Variants in NFASC observed in about 807,000 individuals in gnomAD.
The protein encoded by NFASC is neurofascin.
Under a neutral mutation model 147.5 loss-of-function variants are expected in NFASC, and 43 were observed. The ratio of observed to expected loss-of-function variants is 0.29; its 90% CI spans 0.23 to 0.38. The LOEUF is 0.38. Among genes scored for constraint, NFASC ranks in the 10% least tolerant of loss-of-function variants. The pLI, the probability that NFASC is intolerant of heterozygous loss-of-function variation, is 1.00. For synonymous variants in NFASC, 622 were observed against 665.5 expected (o/e 0.93, Z 1.01); for missense variants, 1,320 against 1,689.0 (o/e 0.78, Z 3.83).
chr1:204,899,393 G>A (rs1332398926), intron 1 of NFASC, among the ~76,000 whole-genome samples: 1 of 148,252 alleles, frequency 6.7e-6, no homozygotes, highest in Non-Finnish European at 1.5e-5. Flanking sequence ...AGCTCCTGGG[G>A]CTGAGGCCGG....
intron 12 of NFASC, among the ~76,000 whole-genome samples, chr1:204,973,709 A>T (rs544191437): frequency 1.3e-5 from 2 of 152,324 alleles, no homozygotes; most frequent in Admixed American, 1.3e-4. Context: ...ATTCCATCAG[A>T]GCAGTCAATC....
chr1:204,899,019 G>C (rs545546798), intron 1 of NFASC, among the ~76,000 whole-genome samples: 1 of 152,300 alleles, frequency 6.6e-6, no homozygotes, highest in South Asian at 2.1e-4. Context: ...AAGTGTGATG[G>C]GGGAGGCACA....
Position 204,974,698 on chromosome 1 carries a change from A to G in NFASC, c.1433A>G (p.Tyr478Cys). ...GQGSNLDGGNYHVYENGSLEI... is the reference protein window; with the variant it reads ...GQGSNLDGGNCHVYENGSLEI... ...GGAAGCAACCTGGATGGTGGCAACT[A>G]CCATGTTTATGAGAACGGCAGTCTG... The change falls in exon 14 of 30, where the codon TAC becomes TGC. Residue 478 changes from tyrosine to cysteine, a missense_variant. Around this residue, in one of 3 missense-constraint regions of NFASC, gnomAD observed 981 missense variants for 1,289.5 expected, o/e 0.76. Transcript: ENST00000339876. 1 of 1,614,224 alleles carries G rather than the reference A, an allele frequency of 6.2e-7. No individual in the cohort carries two copies. The highest frequency in any genetic ancestry group is 8.5e-7 in the Non-Finnish European group (1 of 1,180,036).
chr1:205,003,641 C>T (rs977396428), intron 27 of NFASC, among the ~76,000 whole-genome samples: 3 of 152,076 alleles, frequency 2.0e-5, no homozygotes, highest in Admixed American at 6.6e-5. Context: ...AGTACCTTGC[C>T]CCCAGGGGAT....
chr1:204,846,436 T>C (rs532482118), intron 1 of NFASC, among the ~76,000 whole-genome samples: 1 of 152,262 alleles, frequency 6.6e-6, no homozygotes. Flanking sequence ...CACAGAGAGC[T>C]TGGTGGCCAT....
chr1:204,871,852 T>TC (rs777502586), intron 1 of NFASC, among the ~76,000 whole-genome samples: 23 of 152,290 alleles, frequency 1.5e-4, no homozygotes, highest in Non-Finnish European at 3.4e-4. Context: ...GTGGCTTTGG[T>TC]CCAGAGCTAC....
chr1:204,922,320 C>G lies in NFASC; in HGVS notation c.-91+1580C>G, dbSNP rs185813076. On this transcript the variant is annotated intron_variant, in intron 2 of 29. Transcript: ENST00000339876. The stretch of plus-strand genomic sequence containing the variant: ...GGGCTGGCTTCTCTGATGACAGCAG[C>G]CTCACTGTCCGACAGCAGATATGGC... 1.3e-3 allele frequency among the ~76,000 whole-genome samples: 203 copies of G among 152,264 alleles called. 2 individuals are homozygous for G. The highest frequency in any genetic ancestry group is 4.5e-3 in the African/African-American group (189 of 41,548).
intron 1 of NFASC, among the ~76,000 whole-genome samples, chr1:204,863,333 A>G (rs2102878277): frequency 6.6e-6 from 1 of 152,352 alleles, no homozygotes; most frequent in South Asian, 2.1e-4. Context: ...GCAATCATTT[A>G]TTTGGGGTCA....
chr1:204,865,336 C>G (rs2077024442), intron 1 of NFASC, among the ~76,000 whole-genome samples: 1 of 152,290 alleles, frequency 6.6e-6, no homozygotes, highest in East Asian at 1.9e-4. Context: ...TGTAGTCTCT[C>G]TCTCTCAAAA....
intron 1 of NFASC, among the ~76,000 whole-genome samples, chr1:204,912,856 C>CA (rs750935134): frequency 8.1e-4 from 92 of 113,662 alleles, no homozygotes; most frequent in Middle Eastern, 4.5e-3. Flanking sequence ...ATCCTGTCTC[C>CA]AAAAAAAAAA....
rs922606467 is a variant in NFASC, at chr1:204,979,113, C to A, written c.1978+44C>A. 1 of 1,476,038 alleles carries A rather than the reference C, an allele frequency of 6.8e-7. No homozygotes were observed. 91.4% of individuals were successfully genotyped at this position (1,476,038 alleles called of 1,614,324 possible). A position where few individuals can be genotyped will look rare whatever the true frequency, so the allele number is the denominator to read the frequency against. On this transcript the variant is annotated intron_variant, in intron 18 of 29. Transcript: ENST00000339876. This position sits in a 1 kb window ranked among gnomAD's most constrained non-coding sequence, Gnocchi z 6.0. ...CCCCAAAGCTGGAAAAGAGGGACGG[C>A]AACACCCTTAAACCGAAGGCCTTTC...
At chr1:204,850,731 A>G (rs1456034780) in intron 1 of NFASC, among the ~76,000 whole-genome samples, 1 of 152,232 alleles carries the variant, frequency 6.6e-6, no homozygotes, top group Non-Finnish European at 1.5e-5. Context: ...CCTCCCAGCC[A>G]TGCTTCTGTA....
intron 1 of NFASC, among the ~76,000 whole-genome samples, chr1:204,912,770 A>G (rs1472600494): frequency 6.6e-6 from 1 of 151,736 alleles, no homozygotes; most frequent in East Asian, 1.9e-4. Context: ...TGTAATCCCA[A>G]CACTTTGAGA....
intron 1 of NFASC, among the ~76,000 whole-genome samples, chr1:204,903,079 CT>C (rs2085014225): frequency 6.6e-6 from 1 of 152,194 alleles, no homozygotes; most frequent in African/African-American, 2.4e-5. Flanking sequence ...TATGTCTTTG[CT>C]TCAGTGACAT....
Position 204,907,693 on chromosome 1 carries a change from C to T in NFASC, c.-199-12939C>T, listed in dbSNP as rs146836571. Among the ~76,000 whole-genome samples, 56 of 152,326 alleles carry T rather than the reference C, an allele frequency of 3.7e-4. No individual in the cohort carries two copies. The East Asian group carries it at 0.011, about 29-fold the overall frequency. ...CTCCCTTGCATTTCAAAAACCTTCT[C>T]CTCTTGCTAGTGGCTTCAGAATGCA... is the stretch of plus-strand genomic sequence containing the variant. On this transcript the variant is annotated intron_variant, in intron 1 of 29. Transcript: ENST00000339876.
At position 204,868,777 on chromosome 1, in the gene NFASC, C is replaced by A. The variant is rs369106875; in HGVS notation, c.-200+39995C>A. Among the ~76,000 whole-genome samples, 20 of 152,324 alleles carry A rather than the reference C, an allele frequency of 1.3e-4. 1 individual carries two copies. The highest frequency in any genetic ancestry group is 7.8e-4 in the Admixed American group (12 of 15,310). On this transcript the variant is annotated intron_variant, in intron 1 of 29. Coordinates refer to ENST00000339876, the MANE Select transcript of NFASC (RefSeq NM_001005388.3). ...GGCAGCTACCCTCTGGGTCTGCCCA[C>A]CCCTCCAACCCCCAGGCCACCCAGC...
At chr1:204,909,420 A>C (rs2086810326) in intron 1 of NFASC, among the ~76,000 whole-genome samples, 1 of 151,964 alleles carries the variant, frequency 6.6e-6, no homozygotes, top group African/African-American at 2.4e-5. Context: ...ATGTCTTTTT[A>C]TGTCTTGTGC....
At chr1:204,853,747 A>G (rs1252507065) in intron 1 of NFASC, among the ~76,000 whole-genome samples, 1 of 152,172 alleles carries the variant, frequency 6.6e-6, no homozygotes, top group East Asian at 1.9e-4. Flanking sequence ...ACTTGGAGAG[A>G]GAGAAGGGAG....
At chr1:204,831,951 G>A (rs1173011245) in intron 1 of NFASC, among the ~76,000 whole-genome samples, 7 of 152,120 alleles carry the variant, frequency 4.6e-5, no homozygotes, top group Admixed American at 6.5e-5. Context: ...GTTACACAGC[G>A]GGATCTTTAA....
Sources: gnomAD v4.1 joint callset for allele counts (sites outside exome capture counted in the v4.1 genomes callset) on GRCh38, gnomAD v4.1.1 for gene constraint, gnomAD v4.1.1 regional missense constraint, Gnocchi (gnomAD v3.1) non-coding constraint, MANE v1.5 for transcripts, NCBI Gene and HGNC (gene_info 2026-07-23, HGNC 2026-07-21) for gene names.